The following GNA13 variants were observed in gnomAD, a reference collection of about 807,000 sequenced individuals.
The protein encoded by GNA13 is G protein subunit alpha 13.
A neutral mutation model predicts 33.5 loss-of-function variants in GNA13; 4 were observed. The observed-to-expected ratio is 0.12, with a 90% CI of 0.06 to 0.27. The LOEUF (loss-of-function observed/expected upper bound fraction) is 0.27. GNA13 is among the 10% of genes least tolerant of loss of function. The pLI is 1.00. For synonymous variants in GNA13, 176 were observed against 183.8 expected (o/e 0.96, Z 0.34); for missense variants, 319 against 487.2 (o/e 0.65, Z 3.25).
At chr17:65,041,078 G>C (rs1046066610) in intron 2 of GNA13, among the ~76,000 whole-genome samples, 2 of 152,132 alleles carry the variant, frequency 1.3e-5, no homozygotes, top group Non-Finnish European at 2.9e-5. Context: ...TATAACTTCT[G>C]AGCCAATTCA....
At chr17:65,051,412 T>TA (rs1315536079) in intron 2 of GNA13, among the ~76,000 whole-genome samples, 5 of 152,166 alleles carry the variant, frequency 3.3e-5, no homozygotes, top group Admixed American at 3.3e-4. Flanking sequence ...GGTCAGGAGT[T>TA]AGAGACCAGC....
chr17:65,056,533 T>C lies in GNA13; in HGVS notation c.61A>G (p.Thr21Ala), dbSNP rs1365272450. ...CGTTGCTGCTCGGCCTCGCCACTCGTCAGCAGGCAGCCGGGGAAGCACACG... is the reference window on the plus strand; with the variant it reads ...CGTTGCTGCTCGGCCTCGCCACTCGCCAGCAGGCAGCCGGGGAAGCACACG... Reference protein sequence around the residue: ...LSVCFPGCLLTSGEAEQQRKS... With the variant: ...LSVCFPGCLLASGEAEQQRKS... The change falls in exon 1 of 4, where the codon ACG (threonine) becomes GCG (alanine). Residue 21 changes from threonine (T) to alanine (A), a missense_variant. Thr to Ala is a moderately conservative substitution (Grantham distance 58). Transcript: ENST00000439174. 2.6e-5 allele frequency: 42 copies of C among 1,612,592 alleles called. No individual in the cohort carries two copies. Among genetic ancestry groups the C allele is most frequent in the Non-Finnish European group, 3.4e-5 (40 of 1,179,710 alleles).
At chr17:65,017,580 G>A (rs1906413362) in intron 3 of GNA13, among the ~76,000 whole-genome samples, 1 of 152,208 alleles carries the variant, frequency 6.6e-6, no homozygotes. Flanking sequence ...TGCTCTGCCT[G>A]CAGTGGGCCC....
chr17:65,027,477 T>C (rs1438109855), intron 2 of GNA13, among the ~76,000 whole-genome samples: 1 of 152,120 alleles, frequency 6.6e-6, no homozygotes, highest in African/African-American at 2.4e-5. Context: ...TAAGAAAACC[T>C]TTTGCTTAAA....
chr17:65,039,252 A>C (rs1367234956), intron 2 of GNA13, among the ~76,000 whole-genome samples: 1 of 152,198 alleles, frequency 6.6e-6, no homozygotes, highest in Non-Finnish European at 1.5e-5. Flanking sequence ...TACAGCCACC[A>C]ACTGACGACA....
At chr17:65,018,092 TAAAAAAAAAAAAA>T (rs767082596) in intron 3 of GNA13, among the ~76,000 whole-genome samples, 148 bp downstream of exon 3, 6 of 21,508 alleles carry the variant, frequency 2.8e-4, no homozygotes, top group East Asian at 1.8e-3. Flanking sequence ...ACGCCACCAC[TAAAAAAAAAAAAA>T]AAAAAAAAAA....
At chr17:65,055,533 G>T in intron 1 of GNA13, 1 of 841,546 alleles carries the variant, frequency 1.2e-6, no homozygotes, top group Non-Finnish European at 1.4e-6. Context: ...CCAGCCCCCA[G>T]TTACTTAGCG....
chr17:65,041,109 A>AT (rs1316038634), intron 2 of GNA13, among the ~76,000 whole-genome samples: 4 of 152,350 alleles, frequency 2.6e-5, no homozygotes, highest in African/African-American at 9.6e-5. Flanking sequence ...CAGAAAAATA[A>AT]TTTTTTAAAA....
intron 1 of GNA13, 56 bp downstream of exon 1, chr17:65,056,255 G>GCCCCCCCCCCC: frequency 2.0e-6 from 1 of 508,070 alleles, no homozygotes; most frequent in African/African-American, 2.1e-5. Context: ...CCCCGCACCC[G>GCCCCCCCCCCC]CCGCCGCCCC....
At chr17:65,037,054 G>A (rs1334261485) in intron 2 of GNA13, among the ~76,000 whole-genome samples, 3 of 152,196 alleles carry the variant, frequency 2.0e-5, no homozygotes, top group South Asian at 2.1e-4. Flanking sequence ...TGAGTGCAAT[G>A]TATATAACTG....
intron 2 of GNA13, among the ~76,000 whole-genome samples, chr17:65,030,810 C>T (rs1906974063): frequency 6.6e-6 from 1 of 152,166 alleles, no homozygotes; most frequent in South Asian, 2.1e-4. Flanking sequence ...CCCAGGAGTT[C>T]AAGACCAGCC....
At chr17:65,019,262 A>C (rs1165395956) in intron 2 of GNA13, among the ~76,000 whole-genome samples, 1 of 152,072 alleles carries the variant, frequency 6.6e-6, no homozygotes, top group Non-Finnish European at 1.5e-5. Context: ...GCAGTTCTAT[A>C]ATTTTTTGGT....
Position 65,009,996 on chromosome 17 carries a change from A to T in GNA13, c.*4261T>A, listed in dbSNP as rs1906126351. On this transcript the variant is annotated 3_prime_UTR_variant, in exon 4 of 4. Coordinates refer to ENST00000439174, the MANE Select transcript of GNA13 (RefSeq NM_006572.6). ...GCACACTGAGTTCCAGCATACTCTG[A>T]TCCACCTGTAAACTTTCATCATCAA... Among the ~76,000 whole-genome samples the T allele has an allele frequency of 6.6e-6, 1 of 152,220 alleles. No individual in the cohort carries two copies. The highest frequency in any genetic ancestry group is 2.4e-5 in the African/African-American group (1 of 41,462).
At chr17:65,034,092 A>G (rs1183325785) in intron 2 of GNA13, among the ~76,000 whole-genome samples, 2 of 151,160 alleles carry the variant, frequency 1.3e-5, no homozygotes, top group South Asian at 4.2e-4. Context: ...AATATTTGAA[A>G]ATTTCTTTTT....
rs148820837 is a variant in GNA13 at position 65,051,521 on chromosome 17, A to G, written c.510+1981T>C. Among the ~76,000 whole-genome samples, 613 of 152,316 alleles carry G rather than the reference A, an allele frequency of 4.0e-3. 5 individuals carry two copies. The highest frequency in any genetic ancestry group is 0.013 in the African/African-American group (560 of 41,558). ...TCTCAGCTACTTGGGAGGCTGAGGCAGGAGAATCGCCTGAACCCAGGAGGC... is the reference window on the plus strand; with the variant it reads ...TCTCAGCTACTTGGGAGGCTGAGGCGGGAGAATCGCCTGAACCCAGGAGGC... On this transcript the variant is annotated intron_variant, in intron 2 of 3. Transcript: ENST00000439174.
intron 2 of GNA13, among the ~76,000 whole-genome samples, chr17:65,019,716 G>A (rs1030121476): frequency 2.6e-5 from 4 of 152,176 alleles, no homozygotes; most frequent in African/African-American, 9.7e-5. Context: ...CGGCTAATAG[G>A]TACAAAAGAT....
intron 2 of GNA13, among the ~76,000 whole-genome samples, chr17:65,036,004 A>G (rs981090275): frequency 2.6e-5 from 4 of 152,192 alleles, no homozygotes; most frequent in Admixed American, 2.0e-4. Context: ...AAAATACCCT[A>G]TAACTCAAAT....
intron 3 of GNA13, among the ~76,000 whole-genome samples, chr17:65,016,817 C>T (rs1335219509): frequency 6.6e-6 from 1 of 152,238 alleles, no homozygotes; most frequent in African/African-American, 2.4e-5. Context: ...AGCATATGCA[C>T]ACAGCGTTCA....
intron 3 of GNA13, among the ~76,000 whole-genome samples, chr17:65,016,187 A>G (rs1205277511): frequency 2.0e-5 from 3 of 152,240 alleles, no homozygotes; most frequent in Non-Finnish European, 4.4e-5. Flanking sequence ...TGAACGGGAC[A>G]GCTAATATTT....
Sources: allele counts gnomAD v4.1 joint callset (sites outside exome capture counted in the v4.1 genomes callset), GRCh38; gene constraint gnomAD v4.1.1; transcripts MANE v1.5; gene names NCBI Gene and HGNC (gene_info 2026-07-23, HGNC 2026-07-21).